The following PSD3 variants were observed in gnomAD, a reference collection of about 807,000 sequenced individuals.
The protein encoded by PSD3 is pleckstrin and Sec7 domain containing 3, also known as PH and SEC7 domain-containing protein 3.
Under a neutral mutation model 105.5 loss-of-function variants are expected in PSD3, and 49 were observed. The ratio of observed to expected loss-of-function variants is 0.46; its 90% CI spans 0.37 to 0.59. The LOEUF is 0.59. PSD3 is among the 20% of genes least tolerant of loss of function. The probability of loss-of-function intolerance (pLI) is 0.00; values close to 1 mark genes in which losing one functional copy is unlikely to be tolerated. For missense variants in PSD3, 1,561 were observed against 1,263.8 expected, an observed-to-expected ratio of 1.24 and a Z score of -3.57; for synonymous variants, 557 against 457.8, an observed-to-expected ratio of 1.22 and a Z score of -2.77.
chr8:18,742,756 G>A (rs1380027775), intron 9 of PSD3, among the ~76,000 whole-genome samples: 3 of 152,134 alleles, frequency 2.0e-5, no homozygotes, highest in Non-Finnish European at 4.4e-5. Flanking sequence ...ATTTATTACT[G>A]GCAAAATGCT....
At chr8:18,775,052 C>G in intron 8 of PSD3, 1 of 429,498 alleles carries the variant, frequency 2.3e-6, no homozygotes, top group Admixed American at 2.6e-5. Context: ...CCAATCTACT[C>G]TCTACCTTCA....
chr8:18,804,725 A>G lies in PSD3; in HGVS notation c.1808T>C (p.Val603Ala), dbSNP rs775291298. 3 of 1,613,882 alleles carry G rather than the reference A, an allele frequency of 1.9e-6. No homozygotes were observed. Among genetic ancestry groups the G allele is most frequent in the South Asian group, 1.1e-5 (1 of 90,966 alleles). ...YQLDRFKRSDVAKHLGKNNEF... is the reference protein window; with the variant it reads ...YQLDRFKRSDAAKHLGKNNEF... ...GTACTTCTTGCCAAGGTGTTTTGCA[A>G]CATCTGATCTTTTGAATCTGTCCAG... The change falls in exon 5 of 16, where the codon GTT (valine) becomes GCT (alanine). Residue 603 changes from valine (V) to alanine (A), a missense_variant. Val to Ala is a moderately conservative substitution (Grantham distance 64, BLOSUM62 0). Transcript: ENST00000327040.
At chr8:19,041,969 A>AT (rs5889845) in intron 1 of PSD3, among the ~76,000 whole-genome samples, 28,320 of 151,642 alleles carry the variant, frequency 0.19, 4,276 homozygotes, top group African/African-American at 0.42. Flanking sequence ...TCTATTTTGG[A>AT]TTTTTTTTTA....
chr8:18,836,701 C>T (rs1814137247), intron 4 of PSD3, among the ~76,000 whole-genome samples: 1 of 152,064 alleles, frequency 6.6e-6, no homozygotes, highest in Non-Finnish European at 1.5e-5. Context: ...GTCTGGTACA[C>T]TTTAAATCAT....
At chr8:18,541,482 C>T (rs1321240325) in intron 15 of PSD3, among the ~76,000 whole-genome samples, 2 of 152,138 alleles carry the variant, frequency 1.3e-5, no homozygotes, top group African/African-American at 2.4e-5. Context: ...AGTATCCCAC[C>T]GTTCCAATGA....
In PSD3 at chr8:18,647,305, T is replaced by C. The variant is rs933516761; in HGVS notation, c.2216+8337A>G. On this transcript the variant is annotated intron_variant, in intron 10 of 15. Transcript: ENST00000327040. ...ACATGACTGGAAGGACAGAAAGATA[T>C]CAATGTGCTACCACCTCACCTAATT... is the stretch of plus-strand genomic sequence containing the variant. Among the ~76,000 whole-genome samples the C allele has an allele frequency of 2.0e-5, 3 of 152,338 alleles. No homozygotes were observed. The South Asian group carries it at 6.2e-4, about 32-fold the overall frequency.
rs746055038 is a variant in PSD3, at chr8:18,874,702, CA to C, written c.131-1970del. Among the ~76,000 whole-genome samples, 416 of 52,816 alleles carry C rather than the reference CA, an allele frequency of 7.9e-3. 1 individual carries two copies. Among genetic ancestry groups the C allele is most frequent in the African/African-American group, 0.017 (241 of 14,226 alleles). The allele number at this position is 52,816 out of a possible 152,430, so 34.6% of individuals were successfully genotyped here. ...TGGGTGACAGAGCAAGACTCCATCTCAAAAAAAAAAAAAAAAAAAAAAATTT... is the reference window on the plus strand; with the variant it reads ...TGGGTGACAGAGCAAGACTCCATCTCAAAAAAAAAAAAAAAAAAAAAATTT... On this transcript the variant is annotated intron_variant, in intron 2 of 15. Transcript: ENST00000327040.
chr8:18,825,046 T>C (rs779052262), intron 4 of PSD3, among the ~76,000 whole-genome samples: 11 of 152,192 alleles, frequency 7.2e-5, no homozygotes, highest in Non-Finnish European at 1.5e-4. Flanking sequence ...TATTTGACTA[T>C]GAATCATTTT....
chr8:19,036,055 A>C (rs182676602), intron 1 of PSD3, among the ~76,000 whole-genome samples: 2 of 151,780 alleles, frequency 1.3e-5, no homozygotes, highest in East Asian at 3.9e-4. Flanking sequence ...ATGCCCAGCC[A>C]AAAAAAATAT....
intron 9 of PSD3, among the ~76,000 whole-genome samples, chr8:18,680,578 A>T (rs1800326713): frequency 6.6e-6 from 1 of 152,194 alleles, no homozygotes; most frequent in Non-Finnish European, 1.5e-5. Context: ...CTTCCAAAAC[A>T]TATTCAGATT....
intron 12 of PSD3, among the ~76,000 whole-genome samples, chr8:18,580,533 C>G (rs2468978): frequency 0.83 from 125,487 of 151,786 alleles, 52,906 homozygotes; most frequent in South Asian, 0.94. Flanking sequence ...CTGGGTGAAA[C>G]AGTGAGAATC....
intron 2 of PSD3, chr8:18,886,951 T>C (rs971815880): frequency 2.6e-5 from 4 of 152,204 alleles, no homozygotes; most frequent in Admixed American, 1.3e-4. Context: ...ACAGCCACCG[T>C]AGGGCGTTTT....
At chr8:18,563,607 C>T (rs1194206834) in intron 14 of PSD3, among the ~76,000 whole-genome samples, 3 of 152,096 alleles carry the variant, frequency 2.0e-5, no homozygotes, top group African/African-American at 7.2e-5. Context: ...AGCTTTAGAC[C>T]TTAAACACAG....
chr8:18,553,276 T>C (rs1430610246), intron 15 of PSD3, among the ~76,000 whole-genome samples: 1 of 152,234 alleles, frequency 6.6e-6, no homozygotes, highest in African/African-American at 2.4e-5. Context: ...CATTCATGCC[T>C]ATGATCTTCC....
chr8:18,808,340 C>A (rs1333300664), intron 4 of PSD3, among the ~76,000 whole-genome samples: 1 of 152,186 alleles, frequency 6.6e-6, no homozygotes, highest in Non-Finnish European at 1.5e-5. Context: ...TCATTCTGTG[C>A]AAACAATGTA....
intron 15 of PSD3, among the ~76,000 whole-genome samples, chr8:18,546,767 G>C (rs993741712): frequency 6.6e-6 from 1 of 152,108 alleles, no homozygotes; most frequent in African/African-American, 2.4e-5. Context: ...TGTACCTTTT[G>C]ATCAACATCT....
At chr8:18,860,648 T>C (rs899585465) in intron 4 of PSD3, among the ~76,000 whole-genome samples, 9 of 152,108 alleles carry the variant, frequency 5.9e-5, no homozygotes, top group Admixed American at 2.0e-4. Context: ...CAGAGAACAA[T>C]TTACTCAAGA....
intron 1 of PSD3, among the ~76,000 whole-genome samples, chr8:19,070,689 A>G (rs1178660500): frequency 6.6e-6 from 1 of 152,052 alleles, no homozygotes; most frequent in Non-Finnish European, 1.5e-5. Context: ...AAAAATAAGA[A>G]ATATATATAT....
At chr8:18,572,423 T>C (rs1332433911) in intron 14 of PSD3, 105 bp downstream of exon 14, 5 of 1,404,984 alleles carry the variant, frequency 3.6e-6, no homozygotes, top group Non-Finnish European at 4.9e-6. Flanking sequence ...GGGCAAGGTC[T>C]CACACCTGCC....
Sources: gnomAD v4.1 joint callset for allele counts (sites outside exome capture counted in the v4.1 genomes callset) on GRCh38, gnomAD v4.1.1 for gene constraint, MANE v1.5 for transcripts, NCBI Gene and HGNC (gene_info 2026-07-23, HGNC 2026-07-21) for gene names.